The following RTTN variants were observed in gnomAD, a reference collection of about 807,000 sequenced individuals.
The protein encoded by RTTN is rotatin.
RTTN carries 182 observed loss-of-function variants against 269.2 expected under a neutral mutation model. The observed-to-expected ratio is 0.68, with a 90% CI of 0.60 to 0.76. The LOEUF is 0.76. Ranked by LOEUF, RTTN falls within the 30% of genes least tolerant of loss-of-function variation. The pLI is 0.00. For synonymous variants in RTTN, 1,006 were observed against 963.5 expected, an observed-to-expected ratio of 1.04 and a Z score of -0.82; for missense variants, 2,545 against 2,608.6, an observed-to-expected ratio of 0.98 and a Z score of 0.53.
intron 8 of RTTN, chr18:70,192,965 C>G (rs1206035171): frequency 4.9e-6 from 1 of 202,704 alleles, no homozygotes; most frequent in Non-Finnish European, 9.8e-6. Context: ...AAATATAGTT[C>G]AGTGTGTCAA....
rs555092913 is a variant in RTTN, at chr18:70,102,269, G to T, written c.3903+7229C>A. 5.9e-5 allele frequency among the ~76,000 whole-genome samples: 9 copies of T among 152,276 alleles called. No individual in the cohort carries two copies. In the South Asian group the frequency reaches 1.9e-3, roughly 32 times the overall value. On this transcript the variant is annotated intron_variant, in intron 28 of 48. Transcript: ENST00000640769. ...ATGAATCTGGGTGCTCCTGTACTGG[G>T]TGCATATATATTTAGGATAGTTAGC...
chr18:70,110,771 G>A (rs1325469101), intron 27 of RTTN, among the ~76,000 whole-genome samples: 1 of 152,212 alleles, frequency 6.6e-6, no homozygotes, highest in Non-Finnish European at 1.5e-5. Context: ...GGCTCAGCAG[G>A]TCCCACTCCC....
At chr18:70,198,434 A>T (rs973196173) in intron 5 of RTTN, among the ~76,000 whole-genome samples, 1 of 152,174 alleles carries the variant, frequency 6.6e-6, no homozygotes, top group Non-Finnish European at 1.5e-5. Flanking sequence ...TTGCCTCTCG[A>T]ATATGTTGTT....
At chr18:70,185,298 T>C (rs1277275764) in intron 10 of RTTN, among the ~76,000 whole-genome samples, 3 of 152,176 alleles carry the variant, frequency 2.0e-5, no homozygotes, top group Non-Finnish European at 2.9e-5. Flanking sequence ...AAAGATTTCT[T>C]AGATAAAATA....
intron 26 of RTTN, among the ~76,000 whole-genome samples, chr18:70,116,238 T>A (rs1286508820): frequency 1.3e-5 from 2 of 152,104 alleles, no homozygotes; most frequent in South Asian, 2.1e-4. Flanking sequence ...AGACGCAAAC[T>A]CCATCTTGTA....
intron 35 of RTTN, among the ~76,000 whole-genome samples, chr18:70,060,565 T>C (rs936230074): frequency 1.1e-4 from 16 of 152,190 alleles, no homozygotes; most frequent in African/African-American, 3.9e-4. Context: ...TCAAGGTAAC[T>C]GGGACATCCA....
intron 34 of RTTN, among the ~76,000 whole-genome samples, chr18:70,070,409 G>A (rs554911173): frequency 1.4e-4 from 21 of 152,278 alleles, no homozygotes; most frequent in African/African-American, 5.1e-4. Context: ...CCATGCTGGA[G>A]GTATTTGTAT....
intron 28 of RTTN, among the ~76,000 whole-genome samples, chr18:70,103,345 G>A (rs1197308343): frequency 1.3e-5 from 2 of 151,986 alleles, no homozygotes; most frequent in Non-Finnish European, 2.9e-5. Context: ...AAGAAAGAGA[G>A]ATCAGATTGT....
At position 70,169,020 on chromosome 18, in the gene RTTN, A is replaced by C. The variant is rs750190189; in HGVS notation, c.1524T>G (p.Leu508=). 6.2e-7 allele frequency: 1 copy of C among 1,612,748 alleles called. No individual in the cohort carries two copies. The highest frequency in any genetic ancestry group is 2.2e-5 in the East Asian group (1 of 44,790). ...SEPMSTALFL[L]SLDMPISLEY... is the part of the protein sequence containing the mutation. Reference sequence around the variant, plus strand: ...CCAAAGAAATAGGCATGTCCAAAGAAAGGAGAAATAATGCTGTTGACATAG... The same window carrying C: ...CCAAAGAAATAGGCATGTCCAAAGACAGGAGAAATAATGCTGTTGACATAG... Residue 508 remains leucine (L), a synonymous_variant, in exon 12 of 49, where the codon CTT becomes CTG. Transcript: ENST00000640769.
intron 40 of RTTN, among the ~76,000 whole-genome samples, chr18:70,041,826 G>C (rs938623136): frequency 1.3e-5 from 2 of 151,992 alleles, no homozygotes; most frequent in Non-Finnish European, 2.9e-5. Flanking sequence ...TCTCCTACTT[G>C]GCTACATAAC....
intron 37 of RTTN, among the ~76,000 whole-genome samples, chr18:70,054,651 G>A (rs898697107): frequency 2.0e-5 from 3 of 151,980 alleles, no homozygotes; most frequent in African/African-American, 7.2e-5. Flanking sequence ...TGGGCAATAC[G>A]GTGAGATCCT....
chr18:70,172,868 T>C (rs553363857), intron 11 of RTTN, among the ~76,000 whole-genome samples: 61 of 152,276 alleles, frequency 4.0e-4, no homozygotes, highest in Admixed American at 2.7e-3. Context: ...CATAGATAGA[T>C]TGACCATTTG....
chr18:70,096,647 G>A (rs1413352169), intron 28 of RTTN, among the ~76,000 whole-genome samples: 1 of 152,212 alleles, frequency 6.6e-6, no homozygotes, highest in Non-Finnish European at 1.5e-5. Flanking sequence ...AGCAAAGATT[G>A]CTGCCTGTTC....
At chr18:70,139,577 T>C (rs1405730700) in intron 21 of RTTN, 22 bp downstream of exon 21, 1 of 1,349,042 alleles carries the variant, frequency 7.4e-7, no homozygotes, top group East Asian at 2.3e-5. Context: ...ATCTAATTAT[T>C]AGCAGATTTT....
At position 70,168,846 on chromosome 18, in the gene RTTN, G is replaced by A; in HGVS notation, c.1689+9C>T. On this transcript the variant is annotated intron_variant, in intron 12 of 48. Coordinates refer to ENST00000640769, the MANE Select transcript of RTTN (RefSeq NM_173630.4). ...GGGATTTAAAAGAGATATTAAAAAA[G>A]CTTTTTACCTCTTTCCCAATATCAG... 1.3e-6 allele frequency: 2 copies of A among 1,583,980 alleles called. No individual in the cohort carries two copies. The highest frequency in any genetic ancestry group is 1.7e-6 in the Non-Finnish European group (2 of 1,165,126).
chr18:70,032,059 G>A (rs1432723373), intron 40 of RTTN, among the ~76,000 whole-genome samples: 1 of 152,210 alleles, frequency 6.6e-6, no homozygotes, highest in Non-Finnish European at 1.5e-5. Context: ...AACTCCAGCT[G>A]GGGCAGAGCC....
rs572603878 is a variant in RTTN, at chr18:70,163,942, T to C, written c.1929+2120A>G. Among the ~76,000 whole-genome samples the C allele has an allele frequency of 5.3e-5, 8 of 152,300 alleles. No individual in the cohort carries two copies. The East Asian group carries it at 1.4e-3, about 26-fold the overall frequency. ...ACATGGATGAGCCTTGAGAACATTATATTAAGTGAAATAAGCCAGTAACAA... is the reference window on the plus strand; with the variant it reads ...ACATGGATGAGCCTTGAGAACATTACATTAAGTGAAATAAGCCAGTAACAA... On this transcript the variant is annotated intron_variant, in intron 14 of 48. Transcript: ENST00000640769.
intron 40 of RTTN, among the ~76,000 whole-genome samples, chr18:70,041,766 G>A (rs1453332524): frequency 6.6e-6 from 1 of 152,074 alleles, no homozygotes; most frequent in Non-Finnish European, 1.5e-5. Context: ...TAAAACCTTT[G>A]AAGGATTAAG....
chr18:70,088,501 CCTTT>C (rs1568358200), intron 30 of RTTN, among the ~76,000 whole-genome samples: 3 of 152,084 alleles, frequency 2.0e-5, no homozygotes, highest in African/African-American at 7.2e-5. Context: ...CTTTGTTCTA[CCTTT>C]CTTAATTTTT....
Sources: allele counts gnomAD v4.1 joint callset (sites outside exome capture counted in the v4.1 genomes callset), GRCh38; gene constraint gnomAD v4.1.1; transcripts MANE v1.5; gene names NCBI Gene and HGNC (gene_info 2026-07-23, HGNC 2026-07-21).